Variants in NBAS observed in about 807,000 individuals in gnomAD.
NBAS encodes NBAS subunit of NRZ tethering complex, also known as NAG/BC035112 fusion.
Under a neutral mutation model 302.5 loss-of-function variants are expected in NBAS, and 219 were observed. The ratio of observed to expected loss-of-function variants is 0.72; its 90% CI spans 0.65 to 0.81. The LOEUF (loss-of-function observed/expected upper bound fraction) is 0.81. NBAS is among the 30% of genes least tolerant of loss of function. NBAS has a pLI of 0.00. For missense variants in NBAS, 2,932 were observed against 2,841.6 expected (o/e 1.03, Z -0.72); for synonymous variants, 1,118 against 1,021.6 (o/e 1.09, Z -1.80).
intron 46 of NBAS, among the ~76,000 whole-genome samples, 187 bp downstream of exon 46, chr2:15,234,358 A>T (rs1333681363): frequency 6.6e-6 from 1 of 152,220 alleles, no homozygotes; most frequent in Non-Finnish European, 1.5e-5. Context: ...ACACAATACC[A>T]ACAATGAAAC....
At position 15,242,530 on chromosome 2, in the gene NBAS, A is replaced by G. The variant is rs564919428; in HGVS notation, c.5725-3844T>C. Among the ~76,000 whole-genome samples, 10 of 152,280 alleles carry G rather than the reference A, an allele frequency of 6.6e-5. No homozygotes were observed. In the South Asian group the frequency reaches 1.2e-3, roughly 19 times the overall value. The stretch of plus-strand genomic sequence containing the variant: ...AAAGACTCCAGGGTATGGTTAAAAA[A>G]TATATGTTTAACACTGAATTTACAT... On this transcript the variant is annotated intron_variant, in intron 44 of 51. Coordinates refer to ENST00000281513, the MANE Select transcript of NBAS (RefSeq NM_015909.4).
At chr2:15,541,091 C>T (rs1027665126) in intron 6 of NBAS, among the ~76,000 whole-genome samples, 11 of 152,138 alleles carry the variant, frequency 7.2e-5, no homozygotes, top group African/African-American at 2.7e-4. Flanking sequence ...CTCATCCTTC[C>T]AGGTCTAGTT....
At chr2:15,020,951 G>T in the NBAS span, among the ~76,000 whole-genome samples, 1 of 152,116 alleles carries the variant, frequency 6.6e-6, no homozygotes, top group Non-Finnish European at 1.5e-5. Context: ...AGCTGACCTG[G>T]CCAGGCATGG....
intron 47 of NBAS, among the ~76,000 whole-genome samples, chr2:15,225,648 T>A (rs1305101569): frequency 6.6e-6 from 1 of 152,204 alleles, no homozygotes; most frequent in Admixed American, 6.5e-5. Flanking sequence ...GCTGAGACTG[T>A]GGTGAAGTAG....
At chr2:15,029,629 A>G in the NBAS span, among the ~76,000 whole-genome samples, 2 of 152,350 alleles carry the variant, frequency 1.3e-5, no homozygotes, top group East Asian at 1.9e-4. Context: ...ATGGTGACTG[A>G]TCAAAACATT....
At chr2:15,159,289 A>G in the NBAS span, among the ~76,000 whole-genome samples, 2 of 152,202 alleles carry the variant, frequency 1.3e-5, no homozygotes, top group East Asian at 1.9e-4. Context: ...TATGCTGTCC[A>G]GAGCCCAGAA....
intron 9 of NBAS, among the ~76,000 whole-genome samples, chr2:15,520,895 G>A (rs1662636988): frequency 6.6e-6 from 1 of 152,206 alleles, no homozygotes; most frequent in African/African-American, 2.4e-5. Context: ...AGTTGCTTAA[G>A]CCTCTAGGAG....
downstream of NBAS, among the ~76,000 whole-genome samples, chr2:15,162,484 C>CT (rs761356695): frequency 1.3e-5 from 2 of 152,232 alleles, no homozygotes; most frequent in Admixed American, 6.5e-5. Context: ...CTCCAGTAGT[C>CT]TAACACCAGC....
chr2:15,365,952 G>A (rs1190560872), intron 32 of NBAS, among the ~76,000 whole-genome samples: 1 of 152,026 alleles, frequency 6.6e-6, no homozygotes, highest in South Asian at 2.1e-4. Context: ...GAGTCAAAAA[G>A]ACTTTCCTTA....
chr2:15,380,636 T>G (rs924030618), intron 29 of NBAS, among the ~76,000 whole-genome samples: 1 of 152,104 alleles, frequency 6.6e-6, no homozygotes, highest in African/African-American at 2.4e-5. Context: ...ACTAACAACA[T>G]CAATTAACAT....
intron 48 of NBAS, among the ~76,000 whole-genome samples, chr2:15,208,560 A>G (rs1462816680): frequency 6.6e-6 from 1 of 152,218 alleles, no homozygotes; most frequent in African/African-American, 2.4e-5. Flanking sequence ...TGGATCAAAT[A>G]GATATTTACA....
chr2:14,935,857 C>T, the NBAS span, among the ~76,000 whole-genome samples: 1 of 152,152 alleles, frequency 6.6e-6, no homozygotes, highest in Non-Finnish European at 1.5e-5. Flanking sequence ...TTCCCCAAAA[C>T]TAAAGGCTTC....
chr2:14,801,443 C>T, the NBAS span, among the ~76,000 whole-genome samples: 43 of 152,002 alleles, frequency 2.8e-4, no homozygotes, highest in Non-Finnish European at 3.8e-4. Context: ...TACTATTAAT[C>T]CCATTCAGTA....
intron 42 of NBAS, 87 bp downstream of exon 42, chr2:15,286,986 T>C (rs1411775931): frequency 1.3e-5 from 14 of 1,111,270 alleles, no homozygotes; most frequent in Non-Finnish European, 1.9e-5. Context: ...AAACTAAAAT[T>C]GTACTTTACA....
At chr2:15,420,355 G>A (rs1381290834) in intron 23 of NBAS, among the ~76,000 whole-genome samples, 3 of 152,192 alleles carry the variant, frequency 2.0e-5, no homozygotes, top group East Asian at 1.9e-4. Flanking sequence ...TACTGAGTGC[G>A]GTCTCAGCAG....
chr2:15,330,326 G>C (rs1354298990), intron 36 of NBAS, among the ~76,000 whole-genome samples: 2 of 152,068 alleles, frequency 1.3e-5, no homozygotes, highest in Non-Finnish European at 2.9e-5. Flanking sequence ...AGTAAGCATT[G>C]ATAAAATTTT....
At chr2:15,419,517 G>A (rs372881977) in intron 23 of NBAS, among the ~76,000 whole-genome samples, 1 of 152,054 alleles carries the variant, frequency 6.6e-6, no homozygotes, top group African/African-American at 2.4e-5. Flanking sequence ...TGAACTCCTG[G>A]GCTCTAGTGA....
chr2:15,180,637 G>A (rs1572405058), intron 50 of NBAS, among the ~76,000 whole-genome samples: 1 of 152,220 alleles, frequency 6.6e-6, no homozygotes, highest in South Asian at 2.1e-4. Context: ...AGTGATGTGC[G>A]GGGCCCCTTC....
At chr2:15,239,480 T>C (rs1667764459) in intron 44 of NBAS, among the ~76,000 whole-genome samples, 2 of 151,462 alleles carry the variant, frequency 1.3e-5, no homozygotes, top group Non-Finnish European at 2.9e-5. Flanking sequence ...TCAGATTTTT[T>C]TTGGATTTTG....
Sources: allele counts gnomAD v4.1 joint callset (sites outside exome capture counted in the v4.1 genomes callset), GRCh38; gene constraint gnomAD v4.1.1; transcripts MANE v1.5; gene names NCBI Gene and HGNC (gene_info 2026-07-23, HGNC 2026-07-21).